The following KCNT2 variants were observed in gnomAD, a reference collection of about 807,000 sequenced individuals.
KCNT2 encodes potassium channel subfamily T member 2.
A neutral mutation model predicts 153.8 loss-of-function variants in KCNT2; 67 were observed. The ratio of observed to expected loss-of-function variants is 0.44; its 90% CI spans 0.36 to 0.53. KCNT2 has a LOEUF of 0.53. Among genes scored for constraint, KCNT2 ranks in the 20% least tolerant of loss-of-function variants. The pLI is 0.00. For synonymous variants in KCNT2, 500 were observed against 458.8 expected (o/e 1.09, Z -1.15); for missense variants, 975 against 1,354.8 (o/e 0.72, Z 4.40).
intron 1 of KCNT2, among the ~76,000 whole-genome samples, chr1:196,504,794 G>A (rs534908550): frequency 6.6e-6 from 1 of 152,256 alleles, no homozygotes; most frequent in African/African-American, 2.4e-5. Flanking sequence ...GTGTGAGATG[G>A]TATCTCATTG....
At chr1:196,496,688 G>A (rs1169622633) in intron 1 of KCNT2, among the ~76,000 whole-genome samples, 1 of 152,184 alleles carries the variant, frequency 6.6e-6, no homozygotes, top group African/African-American at 2.4e-5. Flanking sequence ...ACTTGTTCCA[G>A]TTCAGGGTGG....
chr1:196,230,782 T>C (rs1558048985), intron 27 of KCNT2, among the ~76,000 whole-genome samples: 1 of 151,966 alleles, frequency 6.6e-6, no homozygotes, highest in Non-Finnish European at 1.5e-5. Flanking sequence ...ATCAAATAAA[T>C]TGGTTTCTTG....
chr1:196,283,256 A>T (rs191854683), intron 23 of KCNT2, among the ~76,000 whole-genome samples: 1 of 152,238 alleles, frequency 6.6e-6, no homozygotes, highest in East Asian at 1.9e-4. Context: ...CATGGCTAAC[A>T]CGGTGAAACC....
intron 1 of KCNT2, among the ~76,000 whole-genome samples, chr1:196,593,311 TACACACAC>T (rs869080667): frequency 1.3e-3 from 181 of 140,204 alleles, no homozygotes; most frequent in East Asian, 6.2e-3. Context: ...TATATATATA[TACACACAC>T]ACACACACAC....
At chr1:196,327,560 T>A (rs1663992794) in intron 18 of KCNT2, among the ~76,000 whole-genome samples, 2 of 152,138 alleles carry the variant, frequency 1.3e-5, no homozygotes, top group South Asian at 4.1e-4. Context: ...AGAACTGTTT[T>A]GATGTTCTGC....
chr1:196,317,658 G>A (rs1475170401), intron 20 of KCNT2, among the ~76,000 whole-genome samples: 1 of 151,598 alleles, frequency 6.6e-6, no homozygotes. Flanking sequence ...AAGAGTGACT[G>A]GATAAGTATA....
At chr1:196,273,333 C>T (rs973325404) in intron 25 of KCNT2, 6 of 598,546 alleles carry the variant, frequency 1.0e-5, no homozygotes, top group African/African-American at 3.8e-5. Context: ...CATTTATATG[C>T]ATTTAAGTTT....
At chr1:196,407,078 C>T (rs1671889265) in intron 12 of KCNT2, among the ~76,000 whole-genome samples, 1 of 151,364 alleles carries the variant, frequency 6.6e-6, no homozygotes, top group Admixed American at 6.6e-5. Context: ...TCATCCAGAA[C>T]GGTACACTCC....
At chr1:196,255,313 C>T (rs2147767970) in intron 26 of KCNT2, among the ~76,000 whole-genome samples, 1 of 151,772 alleles carries the variant, frequency 6.6e-6, no homozygotes, top group South Asian at 2.1e-4. Context: ...TGATGGTGGA[C>T]AATAAGTTCA....
rs116459820 is a variant in KCNT2, at chr1:196,438,989, A to G, written c.639-9232T>C. 9.2e-3 allele frequency among the ~76,000 whole-genome samples: 1,402 copies of G among 151,982 alleles called. 12 individuals are homozygous for G. Among genetic ancestry groups the G allele is most frequent in the African/African-American group, 0.032 (1,348 of 41,510 alleles). On this transcript the variant is annotated intron_variant, in intron 8 of 27. Transcript: ENST00000294725. ...GACTTAAGGATTTTATATTTTGTGA[A>G]TGTTAAGTATACCTATTTTTTTAAA...
intron 1 of KCNT2, chr1:196,582,574 T>A (rs2148979898): frequency 6.5e-6 from 1 of 154,360 alleles, no homozygotes; most frequent in East Asian, 1.9e-4. Flanking sequence ...AGGGCAAGTT[T>A]TGTAGCTGCC....
At chr1:196,525,785 T>C (rs1654102282) in intron 1 of KCNT2, among the ~76,000 whole-genome samples, 1 of 151,980 alleles carries the variant, frequency 6.6e-6, no homozygotes, top group Non-Finnish European at 1.5e-5. Context: ...GTGAAAACTT[T>C]CTTAGCTAGC....
chr1:196,293,393 C>G (rs532046821), intron 22 of KCNT2, among the ~76,000 whole-genome samples: 39 of 152,260 alleles, frequency 2.6e-4, no homozygotes, highest in African/African-American at 9.1e-4. Flanking sequence ...TATCTGACTT[C>G]AAAATCTATT....
intron 1 of KCNT2, among the ~76,000 whole-genome samples, chr1:196,603,676 T>C (rs1664992100): frequency 6.6e-6 from 1 of 152,206 alleles, no homozygotes; most frequent in African/African-American, 2.4e-5. Flanking sequence ...AGGCCACCTA[T>C]AAAATACAAA....
chr1:196,313,800 T>A (rs2148011879), intron 21 of KCNT2, among the ~76,000 whole-genome samples: 1 of 151,810 alleles, frequency 6.6e-6, no homozygotes, highest in African/African-American at 2.4e-5. Flanking sequence ...TTTGGGTTTT[T>A]AATAGTTCTT....
intron 5 of KCNT2, among the ~76,000 whole-genome samples, chr1:196,475,072 A>G (rs2148684849): frequency 6.6e-6 from 1 of 152,346 alleles, no homozygotes; most frequent in East Asian, 1.9e-4. Flanking sequence ...TCTAATTTCA[A>G]GAATTATAAA....
rs200344048 is a variant in KCNT2 at position 196,465,280 on chromosome 1, T to A, written c.638+13A>T. 1.1e-4 allele frequency: 141 copies of A among 1,315,142 alleles called. No homozygotes were observed. In the African/African-American group the frequency reaches 1.6e-3, roughly 15 times the overall value. The allele number at this position is 1,315,142 out of a possible 1,614,324, so 81.5% of individuals were successfully genotyped here. ...ATGAAACATAACACAAATTCTGATATGTACAATCTTACCAGGTGAAGATAA... is the reference window on the plus strand; with the variant it reads ...ATGAAACATAACACAAATTCTGATAAGTACAATCTTACCAGGTGAAGATAA... On this transcript the variant is annotated intron_variant, in intron 8 of 27. Transcript: ENST00000294725.
In KCNT2 at chr1:196,561,272, A is replaced by G. The variant is rs1053730683; in HGVS notation, c.95+46943T>C. ...TAAGTTTAAAGAGAAAAAATGGTCA[A>G]AGTTTTAGGAAAAAAAAGATCTCTC... On this transcript the variant is annotated intron_variant, in intron 1 of 27. Coordinates refer to ENST00000294725, the MANE Select transcript of KCNT2 (RefSeq NM_198503.5). Among the ~76,000 whole-genome samples, 5 of 151,836 alleles carry G rather than the reference A, an allele frequency of 3.3e-5. 1 individual carries two copies. The highest frequency in any genetic ancestry group is 1.2e-4 in the African/African-American group (5 of 41,484).
chr1:196,470,702 T>A (rs1678015973), intron 5 of KCNT2, among the ~76,000 whole-genome samples: 1 of 152,146 alleles, frequency 6.6e-6, no homozygotes, highest in Admixed American at 6.5e-5. Flanking sequence ...CTGCACTTCA[T>A]TCCCTGTTCT....
Sources: gnomAD v4.1 joint callset for allele counts (sites outside exome capture counted in the v4.1 genomes callset) on GRCh38, gnomAD v4.1.1 for gene constraint, MANE v1.5 for transcripts, NCBI Gene and HGNC (gene_info 2026-07-23, HGNC 2026-07-21) for gene names.